The following SUPT3H variants were observed in gnomAD, a reference collection of about 807,000 sequenced individuals.
SUPT3H encodes SPT3 homolog, SAGA and STAGA complex component, also known as transcription initiation protein SPT3 homolog.
In SUPT3H, 44 loss-of-function variants were observed where a neutral mutation model predicts 44.3. The ratio of observed to expected loss-of-function variants is 0.99; its 90% confidence interval spans 0.78 to 1.28. SUPT3H has a LOEUF of 1.28. Among genes scored for constraint, SUPT3H ranks in the 50% most tolerant of loss-of-function variants. The pLI is 0.00. For synonymous variants in SUPT3H, 124 were observed against 125.6 expected (o/e 0.99, Z 0.09); for missense variants, 380 against 387.1 (o/e 0.98, Z 0.15).
intron 10 of SUPT3H, among the ~76,000 whole-genome samples, chr6:44,896,044 A>G (rs759482793): frequency 1.3e-5 from 2 of 152,106 alleles, no homozygotes; most frequent in African/African-American, 4.8e-5. Context: ...CAACATTACA[A>G]CTTCTCATTC....
chr6:44,919,509 C>T (rs554062394), intron 10 of SUPT3H, among the ~76,000 whole-genome samples: 22 of 151,622 alleles, frequency 1.5e-4, no homozygotes, highest in Non-Finnish European at 2.6e-4. Context: ...GAGCTACCCC[C>T]ACCCTTAACC....
At chr6:45,346,361 G>T (rs1790858393) in intron 2 of SUPT3H, among the ~76,000 whole-genome samples, 1 of 152,036 alleles carries the variant, frequency 6.6e-6, no homozygotes, top group Non-Finnish European at 1.5e-5. Context: ...AAACGAAGAA[G>T]GGTGAGAGGG....
At chr6:45,372,598 T>A (rs1245373119) in intron 1 of SUPT3H, among the ~76,000 whole-genome samples, 1 of 152,216 alleles carries the variant, frequency 6.6e-6, no homozygotes, top group African/African-American at 2.4e-5. Context: ...TTGTTTCAAT[T>A]TACTGTCCTG....
chr6:45,022,917 G>A (rs1785376129), intron 3 of SUPT3H, among the ~76,000 whole-genome samples: 1 of 151,950 alleles, frequency 6.6e-6, no homozygotes, highest in Non-Finnish European at 1.5e-5. Flanking sequence ...TTCCATCCAT[G>A]TTTGGTTGAA....
At chr6:44,818,366 A>G (rs1346154268) in intron 11 of SUPT3H, among the ~76,000 whole-genome samples, 1 of 152,168 alleles carries the variant, frequency 6.6e-6, no homozygotes, top group Non-Finnish European at 1.5e-5. Flanking sequence ...TAAATATCTA[A>G]AAGAAAACAT....
intron 2 of SUPT3H, among the ~76,000 whole-genome samples, chr6:45,337,041 T>C (rs945421136): frequency 6.6e-6 from 1 of 151,606 alleles, no homozygotes; most frequent in Non-Finnish European, 1.5e-5. Flanking sequence ...TGCAAGCAAA[T>C]GCATAAAACT....
rs115269381 is a variant in SUPT3H at position 44,912,251 on chromosome 6, C to A, written c.912+20402G>T. ...TAAGCAATAATTCCTCCTCTTCCCC[C>A]ACTGCTGTAGCTTCTAATCTACTTT... is the stretch of plus-strand genomic sequence containing the variant. On this transcript the variant is annotated intron_variant, in intron 10 of 10. Coordinates refer to ENST00000371459, the MANE Select transcript of SUPT3H (RefSeq NM_003599.4). 6.3e-3 allele frequency among the ~76,000 whole-genome samples: 963 copies of A among 152,252 alleles called. 2 individuals are homozygous for A. Among genetic ancestry groups the A allele is most frequent in the Non-Finnish European group, 0.01 (686 of 68,026 alleles).
chr6:44,847,924 T>G (rs1365708313), intron 10 of SUPT3H, among the ~76,000 whole-genome samples: 1 of 150,822 alleles, frequency 6.6e-6, no homozygotes, highest in Non-Finnish European at 1.5e-5. Flanking sequence ...ATTACAGAAA[T>G]ATTTTCTTCT....
In SUPT3H at chr6:45,198,638, CT is replaced by C. The variant is rs1816481472; in HGVS notation, c.102-92633del. On this transcript the variant is annotated intron_variant, in intron 2 of 10. Transcript: ENST00000371459. ...TGTAACAACGACACAGTTAAAATAA[CT>C]TCTTGATATAAGTTAATTTTTAAGA... is the stretch of plus-strand genomic sequence containing the variant. Among the ~76,000 whole-genome samples, 11 of 151,332 alleles carry C rather than the reference CT, an allele frequency of 7.3e-5. No homozygotes were observed. The South Asian group carries it at 2.3e-3, about 31-fold the overall frequency.
chr6:44,956,448 CACA>C (rs992081207), intron 7 of SUPT3H, among the ~76,000 whole-genome samples: 56 of 121,128 alleles, frequency 4.6e-4, no homozygotes, highest in Middle Eastern at 6.0e-3. Context: ...GGCGCCACTG[CACA>C]ACAAGAGCGA....
At chr6:44,840,216 A>T (rs1445835904) in intron 10 of SUPT3H, among the ~76,000 whole-genome samples, 1 of 152,250 alleles carries the variant, frequency 6.6e-6, no homozygotes, top group Non-Finnish European at 1.5e-5. Flanking sequence ...GCATTCTATA[A>T]AATATAGCCT....
chr6:45,281,291 G>C (rs568436257), intron 2 of SUPT3H, among the ~76,000 whole-genome samples: 1 of 152,352 alleles, frequency 6.6e-6, no homozygotes, highest in African/African-American at 2.4e-5. Flanking sequence ...AGTAGGGCAA[G>C]GCATCGCATC....
intron 5 of SUPT3H, among the ~76,000 whole-genome samples, chr6:45,007,651 A>C (rs924262160): frequency 1.3e-5 from 2 of 151,792 alleles, no homozygotes; most frequent in African/African-American, 4.8e-5. Flanking sequence ...ATCTAATCCC[A>C]ACTATTTTGC....
At chr6:44,911,750 T>C (rs1767085952) in intron 10 of SUPT3H, among the ~76,000 whole-genome samples, 1 of 152,186 alleles carries the variant, frequency 6.6e-6, no homozygotes, top group Non-Finnish European at 1.5e-5. Context: ...GTAAGGGTAA[T>C]ACGAATTGTT....
At position 45,014,856 on chromosome 6, in the gene SUPT3H, G is replaced by A. The variant is rs12528232; in HGVS notation, c.309C>T (p.Ile103=). The change falls in exon 5 of 11, where the codon ATC becomes ATT. Residue 103 remains isoleucine, a synonymous_variant. Coordinates refer to ENST00000371459, the MANE Select transcript of SUPT3H (RefSeq NM_003599.4). ...TGACAATCTTTGATTTGTAGTCTCGGATAAACATGTATTTTAGCAGTCTTC... is the reference window on the plus strand; with the variant it reads ...TGACAATCTTTGATTTGTAGTCTCGAATAAACATGTATTTTAGCAGTCTTC... ...KLRRLLKYMF[I]RDYKSKIVKG... is the part of the protein sequence containing the mutation. 0.13 allele frequency: 205,933 copies of A among 1,585,922 alleles called. 15,606 individuals are homozygous for A. The highest frequency in any genetic ancestry group is 0.3 in the Admixed American group (16,423 of 55,658).
At chr6:44,811,435 C>T (rs969419011) in intron 11 of SUPT3H, among the ~76,000 whole-genome samples, 3 of 152,126 alleles carry the variant, frequency 2.0e-5, no homozygotes, top group African/African-American at 7.2e-5. Context: ...TGTATGGGTA[C>T]CAAGTAGACA....
intron 3 of SUPT3H, among the ~76,000 whole-genome samples, chr6:45,036,427 G>T (rs1443431521): frequency 6.6e-6 from 1 of 152,078 alleles, no homozygotes; most frequent in Non-Finnish European, 1.5e-5. Flanking sequence ...AGTAGCCAAG[G>T]TGGGGTGGGG....
intron 2 of SUPT3H, among the ~76,000 whole-genome samples, chr6:45,333,508 T>G (rs1787936997): frequency 2.0e-5 from 3 of 151,538 alleles, no homozygotes; most frequent in Admixed American, 2.0e-4. Context: ...GGAACAGTGT[T>G]GAGTGGATGT....
At chr6:45,116,418 A>G (rs769667412) in intron 2 of SUPT3H, among the ~76,000 whole-genome samples, 17 of 152,206 alleles carry the variant, frequency 1.1e-4, no homozygotes, top group Non-Finnish European at 1.8e-4. Flanking sequence ...ATTTTTCTTT[A>G]AACAGTAAGC....
Sources: allele counts gnomAD v4.1 joint callset (sites outside exome capture counted in the v4.1 genomes callset), GRCh38; gene constraint gnomAD v4.1.1; transcripts MANE v1.5; gene names NCBI Gene and HGNC (gene_info 2026-07-23, HGNC 2026-07-21).